DPP10: variants seen among roughly 807,000 people sequenced by gnomAD.
The protein encoded by DPP10 is dipeptidyl peptidase like 10.
A neutral mutation model predicts 120.9 loss-of-function variants in DPP10; 33 were observed. That is an observed-to-expected ratio of 0.27 (90% CI 0.21 to 0.37). DPP10 has a LOEUF of 0.37. Among genes scored for constraint, DPP10 ranks in the 10% least tolerant of loss-of-function variants. DPP10 has a pLI of 1.00. For synonymous variants in DPP10, 337 were observed against 326.1 expected (o/e 1.03, Z -0.36); for missense variants, 816 against 942.8 (o/e 0.87, Z 1.76).
chr2:114,492,256 T>C (rs1037178390), intron 1 of DPP10, among the ~76,000 whole-genome samples: 2 of 152,176 alleles, frequency 1.3e-5, no homozygotes, highest in African/African-American at 4.8e-5. Context: ...TCTGACAAAG[T>C]GACATATTGT....
At chr2:114,727,439 T>C (rs1161180598) in intron 1 of DPP10, among the ~76,000 whole-genome samples, 2 of 152,228 alleles carry the variant, frequency 1.3e-5, no homozygotes, top group Non-Finnish European at 2.9e-5. Context: ...AAGGCAGGAC[T>C]GGATGTCATG....
chr2:115,586,595 A>G (rs1160145201), intron 5 of DPP10, among the ~76,000 whole-genome samples: 1 of 152,172 alleles, frequency 6.6e-6, no homozygotes, highest in Non-Finnish European at 1.5e-5. Flanking sequence ...GTTTTCCCAC[A>G]GGCTCACCTT....
chr2:114,991,723 A>G (rs1700764591), intron 1 of DPP10, among the ~76,000 whole-genome samples: 1 of 152,238 alleles, frequency 6.6e-6, no homozygotes, highest in Non-Finnish European at 1.5e-5. Context: ...TAAAAAGGAT[A>G]CATCAGTTAG....
intron 5 of DPP10, among the ~76,000 whole-genome samples, chr2:115,543,662 A>G (rs976343582): frequency 2.6e-5 from 4 of 151,966 alleles, no homozygotes; most frequent in African/African-American, 9.7e-5. Context: ...TCACATGCCT[A>G]GAATATAGAA....
chr2:115,573,316 T>G (rs1178190988), intron 5 of DPP10, among the ~76,000 whole-genome samples: 3 of 135,210 alleles, frequency 2.2e-5, no homozygotes, highest in African/African-American at 5.6e-5. Flanking sequence ...GGAGTCTTGC[T>G]CTGTCGCCCA....
At chr2:115,681,845 CT>C (rs2090683517) in intron 5 of DPP10, among the ~76,000 whole-genome samples, 1 of 131,564 alleles carries the variant, frequency 7.6e-6, no homozygotes, top group African/African-American at 2.8e-5. Context: ...CTTTCTTTTT[CT>C]TTTTTCTTGT....
intron 5 of DPP10, among the ~76,000 whole-genome samples, chr2:115,669,195 A>T (rs1328369801): frequency 6.6e-6 from 1 of 152,266 alleles, no homozygotes; most frequent in East Asian, 1.9e-4. Context: ...AAAGGTGTAC[A>T]TTTGGTTTTG....
chr2:114,563,272 T>C (rs752710865), intron 1 of DPP10, among the ~76,000 whole-genome samples: 1 of 151,444 alleles, frequency 6.6e-6, no homozygotes, highest in Non-Finnish European at 1.5e-5. Context: ...CTTGGAAGGC[T>C]GAGACAAGAG....
intron 1 of DPP10, among the ~76,000 whole-genome samples, chr2:115,267,336 G>A (rs149089765): frequency 6.6e-6 from 1 of 152,270 alleles, no homozygotes; most frequent in African/African-American, 2.4e-5. Context: ...AGTAAGTGCT[G>A]CAAAGTATGT....
chr2:115,426,823 C>G (rs1381535332), intron 3 of DPP10, among the ~76,000 whole-genome samples: 1 of 152,164 alleles, frequency 6.6e-6, no homozygotes, highest in Non-Finnish European at 1.5e-5. Flanking sequence ...CAATAGTCCC[C>G]CAAAGTCTTA....
intron 13 of DPP10, among the ~76,000 whole-genome samples, chr2:115,769,545 C>T (rs1681200816): frequency 6.6e-6 from 1 of 151,852 alleles, no homozygotes; most frequent in African/African-American, 2.4e-5. Context: ...CATACAATTT[C>T]CACAGTACAG....
chr2:114,700,089 C>A (rs1270042891), intron 1 of DPP10, among the ~76,000 whole-genome samples: 1 of 152,046 alleles, frequency 6.6e-6, no homozygotes, highest in African/African-American at 2.4e-5. Flanking sequence ...TGCTATGGAA[C>A]CAGCTTAATC....
rs114889385 is a variant in DPP10, at chr2:115,170,014, C to G, written c.61-139225C>G. On this transcript the variant is annotated intron_variant, in intron 1 of 25. Transcript: ENST00000410059. ...ATGTGACAAATCTGTATTACGTAAT[C>G]AAGAACTTGAGTGGCAGGCTGCCCT... Among the ~76,000 whole-genome samples the G allele has an allele frequency of 3.6e-3, 545 of 152,218 alleles. 2 individuals carry two copies. Among genetic ancestry groups the G allele is most frequent in the African/African-American group, 0.013 (529 of 41,550 alleles).
chr2:114,557,472 G>A (rs543031039), intron 1 of DPP10, among the ~76,000 whole-genome samples: 16 of 152,302 alleles, frequency 1.1e-4, no homozygotes, highest in African/African-American at 3.9e-4. Flanking sequence ...CCACATAAAT[G>A]GCTTCAGAAA....
intron 1 of DPP10, among the ~76,000 whole-genome samples, chr2:114,634,465 T>A (rs1007827205): frequency 6.6e-6 from 1 of 151,382 alleles, no homozygotes; most frequent in Non-Finnish European, 1.5e-5. Flanking sequence ...GGCCACAGAG[T>A]GGAGGAGATA....
At chr2:115,347,534 C>G (rs370755194) in intron 3 of DPP10, among the ~76,000 whole-genome samples, 1 of 152,160 alleles carries the variant, frequency 6.6e-6, no homozygotes, top group East Asian at 1.9e-4. Context: ...GCAGAACATG[C>G]AGGTTTGTTA....
intron 1 of DPP10, among the ~76,000 whole-genome samples, chr2:114,483,576 CAAAATA>C (rs1350037475): frequency 2.0e-5 from 3 of 151,552 alleles, no homozygotes; most frequent in East Asian, 1.9e-4. Flanking sequence ...CCAGAACTTT[CAAAATA>C]AAAATAAAAA....
chr2:115,159,224 C>T (rs574180458), intron 1 of DPP10, among the ~76,000 whole-genome samples: 309 of 151,994 alleles, frequency 2.0e-3, no homozygotes, highest in Admixed American at 7.3e-3. Context: ...TCTGGGAGGC[C>T]GGGGTGGGCG....
intron 1 of DPP10, among the ~76,000 whole-genome samples, chr2:114,516,390 C>G (rs1227642169): frequency 1.3e-5 from 2 of 152,198 alleles, no homozygotes; most frequent in Non-Finnish European, 2.9e-5. Flanking sequence ...CCAGCTCTTG[C>G]TCCAGCCCTG....
Sources: gnomAD v4.1 joint callset for allele counts (sites outside exome capture counted in the v4.1 genomes callset) on GRCh38, gnomAD v4.1.1 for gene constraint, MANE v1.5 for transcripts, NCBI Gene and HGNC (gene_info 2026-07-23, HGNC 2026-07-21) for gene names.